Variants in GDA observed in about 807,000 individuals in gnomAD.
GDA encodes cytoplasmic PSD-95 interactor.
GDA carries 18 observed loss-of-function variants against 59.6 expected under a neutral mutation model. That is an observed-to-expected ratio of 0.30 (90% CI 0.21 to 0.45). The LOEUF is 0.45. Ranked by LOEUF, GDA falls within the 20% of genes least tolerant of loss-of-function variation. The pLI, the probability that GDA is intolerant of heterozygous loss-of-function variation, is 1.00. For synonymous variants in GDA, 201 were observed against 201.1 expected, an observed-to-expected ratio of 1.00 and a Z score of 0.00; for missense variants, 427 against 552.3, an observed-to-expected ratio of 0.77 and a Z score of 2.27.
At chr9:72,231,220 G>T (rs765913650) in intron 10 of GDA, 39 bp downstream of exon 10, 1 of 1,013,368 alleles carries the variant, frequency 9.9e-7, no homozygotes, top group South Asian at 1.3e-5. Flanking sequence ...CAAAGTGGTT[G>T]ATTACTGTGT....
intron 1 of GDA, among the ~76,000 whole-genome samples, chr9:72,130,254 G>C (rs889212936): frequency 6.6e-6 from 1 of 152,180 alleles, no homozygotes; most frequent in African/African-American, 2.4e-5. Context: ...AAACTAAAAA[G>C]TGGGCCTCTG....
In GDA at chr9:72,207,237, TTCTC is replaced by T. The variant is rs370272020; in HGVS notation, c.385-3444_385-3441del. Among the ~76,000 whole-genome samples, 151 of 152,316 alleles carry T rather than the reference TTCTC, an allele frequency of 9.9e-4. 2 individuals are homozygous for T. The South Asian group carries it at 0.012, about 13-fold the overall frequency. On this transcript the variant is annotated intron_variant, in intron 3 of 13. Transcript: ENST00000358399. ...GGAATTCTGTTATTTCTCTTTCTCT[TTCTC>T]TCTCTTTCTGAGTATATTCCTCTCT...
intron 1 of GDA, among the ~76,000 whole-genome samples, chr9:72,155,010 G>A (rs190905798): frequency 8.5e-5 from 13 of 152,276 alleles, no homozygotes; most frequent in African/African-American, 3.1e-4. Flanking sequence ...ATCAGAACTT[G>A]AACTAGTTAG....
chr9:72,157,761 G>T (rs1828101325), intron 1 of GDA, among the ~76,000 whole-genome samples: 1 of 152,112 alleles, frequency 6.6e-6, no homozygotes, highest in South Asian at 2.1e-4. Flanking sequence ...AGTTTCAAAT[G>T]TCCTGGAAGA....
intron 1 of GDA, among the ~76,000 whole-genome samples, chr9:72,167,422 A>G (rs1382741871): frequency 6.6e-6 from 1 of 152,168 alleles, no homozygotes; most frequent in African/African-American, 2.4e-5. Context: ...TTCGGTAACA[A>G]CTTCTTATAT....
chr9:72,205,283 G>A (rs1050330833), intron 3 of GDA, among the ~76,000 whole-genome samples: 27 of 152,074 alleles, frequency 1.8e-4, no homozygotes, highest in African/African-American at 6.3e-4. Context: ...CCTACTCAGT[G>A]GGATGAGCTC....
intron 1 of GDA, among the ~76,000 whole-genome samples, chr9:72,176,979 G>A (rs1004547237): frequency 6.6e-6 from 1 of 152,064 alleles, no homozygotes; most frequent in Non-Finnish European, 1.5e-5. Flanking sequence ...CACAGCAAGG[G>A]TTTCCTCACT....
intron 1 of GDA, among the ~76,000 whole-genome samples, chr9:72,160,075 G>A (rs980867773): frequency 6.6e-6 from 1 of 152,068 alleles, no homozygotes; most frequent in African/African-American, 2.4e-5. Context: ...CGAGGCGGGC[G>A]GATCATGAGG....
At chr9:72,181,335 T>C (rs973864042) in intron 1 of GDA, among the ~76,000 whole-genome samples, 3 of 151,850 alleles carry the variant, frequency 2.0e-5, no homozygotes, top group African/African-American at 7.2e-5. Context: ...ACTTATACTT[T>C]CACAATTTTT....
rs183390970 is a variant in GDA, at chr9:72,168,458, G to A, written c.123+18776G>A. On this transcript the variant is annotated intron_variant, in intron 1 of 13. Transcript: ENST00000358399. ...TGCTGAGGCTGGAGTGCAGTGATAC[G>A]ATCTCAGCTCACTGCAACCTCTTCC... is the stretch of plus-strand genomic sequence containing the variant. Among the ~76,000 whole-genome samples the A allele has an allele frequency of 1.7e-3, 234 of 140,954 alleles. 1 individual carries two copies. The highest frequency in any genetic ancestry group is 5.9e-3 in the African/African-American group (224 of 37,896). 92.5% of individuals were successfully genotyped at this position (140,954 alleles called of 152,430 possible). A position where few individuals can be genotyped will look rare whatever the true frequency, so the allele number is the denominator to read the frequency against.
At chr9:72,153,194 C>G (rs992995293) in intron 1 of GDA, among the ~76,000 whole-genome samples, 7 of 151,810 alleles carry the variant, frequency 4.6e-5, no homozygotes, top group African/African-American at 1.7e-4. Flanking sequence ...GTTACTGTAG[C>G]CTTGTAGTAT....
intron 5 of GDA, 91 bp downstream of exon 5, chr9:72,214,082 G>A (rs1835776742): frequency 2.7e-6 from 2 of 751,362 alleles, no homozygotes; most frequent in Admixed American, 4.2e-5. Flanking sequence ...ACAGGATACT[G>A]TTATCACCCA....
intron 1 of GDA, among the ~76,000 whole-genome samples, chr9:72,175,422 G>A (rs916549573): frequency 4.6e-5 from 7 of 152,120 alleles, no homozygotes; most frequent in South Asian, 2.1e-4. Context: ...TCTCTGGAAC[G>A]GAACCCAGGA....
Position 72,245,378 on chromosome 9 carries a change from A to G in GDA, c.1266+100A>G, listed in dbSNP as rs1222708048. The G allele has an allele frequency of 6.2e-6, 5 of 812,958 alleles. No homozygotes were observed. The East Asian group carries it at 1.2e-4, about 20-fold the overall frequency. 50.4% of individuals were successfully genotyped at this position (812,958 alleles called of 1,614,324 possible). On this transcript the variant is annotated intron_variant, in intron 12 of 13. Transcript: ENST00000358399. ...ATAGAAACCGAAACTTTTTAATGGA[A>G]TGCAGGAAAATCTTAAAATGGACGC...
At chr9:72,258,448 C>A (rs1840909230), downstream of GDA, among the ~76,000 whole-genome samples, 1 of 152,196 alleles carries the variant, frequency 6.6e-6, no homozygotes, top group Non-Finnish European at 1.5e-5. Flanking sequence ...TTGCAGGGCA[C>A]CCTTGGGAGC....
At chr9:72,148,835 A>G (rs919146670), upstream of GDA, among the ~76,000 whole-genome samples, 3 of 152,166 alleles carry the variant, frequency 2.0e-5, no homozygotes, top group Non-Finnish European at 4.4e-5. Context: ...CTCCCTTTGT[A>G]CAACTGGAAG....
chr9:72,177,348 G>A (rs901608344), intron 1 of GDA, among the ~76,000 whole-genome samples: 3 of 151,646 alleles, frequency 2.0e-5, no homozygotes, highest in Non-Finnish European at 4.4e-5. Context: ...CACCCGCCTC[G>A]GCCTCCCAAA....
At chr9:72,255,902 C>CTCACATTCCCTAGAAAATTT (rs1840872597), downstream of GDA, among the ~76,000 whole-genome samples, 1 of 152,140 alleles carries the variant, frequency 6.6e-6, no homozygotes, top group Non-Finnish European at 1.5e-5. Flanking sequence ...CATGATGAGA[C>CTCACATTCCCTAGAAAATTT]TCACATTCCC....
At chr9:72,120,878 C>A (rs983248279) in intron 1 of GDA, among the ~76,000 whole-genome samples, 4 of 152,068 alleles carry the variant, frequency 2.6e-5, no homozygotes, top group Non-Finnish European at 5.9e-5. Context: ...CACCACCGAC[C>A]CTGCAAACTT....
Sources: allele counts gnomAD v4.1 joint callset (sites outside exome capture counted in the v4.1 genomes callset), GRCh38; gene constraint gnomAD v4.1.1; transcripts MANE v1.5; gene names NCBI Gene and HGNC (gene_info 2026-07-23, HGNC 2026-07-21).